Variants in RIPOR2 observed in about 807,000 individuals in gnomAD.
The protein encoded by RIPOR2 is RHO family interacting cell polarization regulator 2, also known as rho family-interacting cell polarization regulator 2.
RIPOR2 carries 39 observed loss-of-function variants against 114.5 expected under a neutral mutation model. That is an observed-to-expected ratio of 0.34 (90% confidence interval 0.26 to 0.44). The LOEUF (loss-of-function observed/expected upper bound fraction) is 0.44. RIPOR2 is among the 20% of genes least tolerant of loss of function. The pLI is 1.00. For synonymous variants in RIPOR2, 445 were observed against 484.4 expected (o/e 0.92, Z 1.07); for missense variants, 1,007 against 1,255.1 (o/e 0.80, Z 2.99).
At chr6:24,907,585 A>G (rs987654738) in intron 1 of RIPOR2, among the ~76,000 whole-genome samples, 1 of 152,252 alleles carries the variant, frequency 6.6e-6, no homozygotes, top group Non-Finnish European at 1.5e-5. Context: ...GTGGCTGCAG[A>G]GAGGAGACAC....
At chr6:24,979,283 C>CTTTTTTTTT (rs60372040) in intron 1 of RIPOR2, among the ~76,000 whole-genome samples, 4 of 99,460 alleles carry the variant, frequency 4.0e-5, no homozygotes, top group Non-Finnish European at 8.1e-5. Context: ...TAGGGAAATT[C>CTTTTTTTTT]TTTTTTTTTT....
At chr6:24,938,607 G>A (rs969966646), upstream of RIPOR2, among the ~76,000 whole-genome samples, 1 of 152,168 alleles carries the variant, frequency 6.6e-6, no homozygotes, top group East Asian at 1.9e-4. Context: ...GGGACGCTTA[G>A]GATATTTCCC....
chr6:24,932,668 T>C (rs1771496481), intron 1 of RIPOR2, among the ~76,000 whole-genome samples: 1 of 152,230 alleles, frequency 6.6e-6, no homozygotes, highest in African/African-American at 2.4e-5. Flanking sequence ...TATATCTAAA[T>C]GGATTTATAT....
At chr6:24,834,284 G>A (rs1760925497) in intron 15 of RIPOR2, among the ~76,000 whole-genome samples, 1 of 152,120 alleles carries the variant, frequency 6.6e-6, no homozygotes, top group Non-Finnish European at 1.5e-5. Context: ...CATCTATGGT[G>A]GAGAAGCATA....
upstream of RIPOR2, chr6:25,042,108 G>A (rs922045528): frequency 9.8e-6 from 5 of 512,268 alleles, no homozygotes; most frequent in African/African-American, 9.9e-5. Flanking sequence ...CTTTTATCTT[G>A]TAACTTGCCT....
intron 1 of RIPOR2, among the ~76,000 whole-genome samples, chr6:24,908,768 A>G (rs1769236898): frequency 6.6e-6 from 1 of 152,184 alleles, no homozygotes; most frequent in African/African-American, 2.4e-5. Flanking sequence ...TGGCTTCTCC[A>G]GGTCAACCTT....
intron 1 of RIPOR2, among the ~76,000 whole-genome samples, chr6:24,951,445 C>T (rs1439400125): frequency 1.3e-5 from 2 of 152,148 alleles, no homozygotes; most frequent in Non-Finnish European, 2.9e-5. Context: ...AATAGGGGGT[C>T]TTCAAATTTT....
At chr6:24,878,686 T>C (rs1488971015) in intron 1 of RIPOR2, among the ~76,000 whole-genome samples, 3 of 151,754 alleles carry the variant, frequency 2.0e-5, no homozygotes, top group African/African-American at 7.3e-5. Flanking sequence ...ATGGGGAGGG[T>C]TGTAAAGTCC....
intron 1 of RIPOR2, among the ~76,000 whole-genome samples, chr6:25,002,993 T>C (rs891313210): frequency 7.2e-5 from 11 of 152,250 alleles, no homozygotes; most frequent in Non-Finnish European, 1.3e-4. Context: ...CCTGCGAATA[T>C]TTCTGCAGTT....
chr6:24,982,812 C>T (rs1774356445), intron 1 of RIPOR2, among the ~76,000 whole-genome samples: 1 of 152,158 alleles, frequency 6.6e-6, no homozygotes, highest in Non-Finnish European at 1.5e-5. Flanking sequence ...TTACCTGGCC[C>T]AGAGAGACAG....
At chr6:24,874,652 A>G (rs1025367417) in intron 2 of RIPOR2, among the ~76,000 whole-genome samples, 1 of 152,236 alleles carries the variant, frequency 6.6e-6, no homozygotes, top group African/African-American at 2.4e-5. Flanking sequence ...AAAGAGTTCC[A>G]GGTGGACATA....
intron 1 of RIPOR2, among the ~76,000 whole-genome samples, chr6:24,978,330 T>C (rs1480701601): frequency 1.3e-5 from 2 of 152,130 alleles, no homozygotes; most frequent in Non-Finnish European, 2.9e-5. Context: ...AGTTTTAAAA[T>C]TATAGAATTC....
At chr6:24,822,745 C>T (rs185139061) in intron 19 of RIPOR2, among the ~76,000 whole-genome samples, 121 of 152,326 alleles carry the variant, frequency 7.9e-4, no homozygotes, top group Middle Eastern at 3.4e-3. Flanking sequence ...GTCTCGAAGT[C>T]CTGGCCTCAG....
intron 1 of RIPOR2, among the ~76,000 whole-genome samples, chr6:25,014,481 C>T (rs982222003): frequency 9.2e-5 from 14 of 152,126 alleles, no homozygotes; most frequent in East Asian, 3.8e-4. Context: ...GAAGCTATTT[C>T]GAAATAGAGC....
chr6:24,966,253 C>G (rs901259490), intron 1 of RIPOR2, among the ~76,000 whole-genome samples: 2 of 152,282 alleles, frequency 1.3e-5, no homozygotes, highest in South Asian at 2.1e-4. Context: ...ATCAGATGGA[C>G]AGATTACCAT....
chr6:24,923,941 T>G (rs1484429419), intron 1 of RIPOR2, among the ~76,000 whole-genome samples: 1 of 152,200 alleles, frequency 6.6e-6, no homozygotes, highest in Non-Finnish European at 1.5e-5. Context: ...CCTCTTGTAA[T>G]GCGTAGCAAC....
intron 1 of RIPOR2, among the ~76,000 whole-genome samples, chr6:24,901,598 G>A (rs974399308): frequency 6.6e-6 from 1 of 152,110 alleles, no homozygotes; most frequent in East Asian, 1.9e-4. Context: ...GTCATTACAG[G>A]GGCAGGTTTC....
intron 6 of RIPOR2, among the ~76,000 whole-genome samples, chr6:24,866,038 T>A (rs1764567657): frequency 6.6e-6 from 1 of 152,148 alleles, no homozygotes; most frequent in Admixed American, 6.5e-5. Flanking sequence ...CATCCAGATT[T>A]AGTATTTCAT....
At chr6:24,881,942 T>A (rs1156662773) in intron 1 of RIPOR2, among the ~76,000 whole-genome samples, 1 of 152,176 alleles carries the variant, frequency 6.6e-6, no homozygotes, top group East Asian at 1.9e-4. Flanking sequence ...GGGTGGAATA[T>A]GATTGCAGTT....
Sources: gnomAD v4.1 joint callset for allele counts (sites outside exome capture counted in the v4.1 genomes callset) on GRCh38, gnomAD v4.1.1 for gene constraint, MANE v1.5 for transcripts, NCBI Gene and HGNC (gene_info 2026-07-23, HGNC 2026-07-21) for gene names.